BARX1: variants seen among roughly 807,000 people sequenced by gnomAD.
BARX1 encodes the protein homeobox protein BarH-like 1.
In BARX1, 10 loss-of-function variants were observed where a neutral mutation model predicts 19.6. That is an observed-to-expected ratio of 0.51 (90% CI 0.31 to 0.86). BARX1 has a LOEUF of 0.86. Ranked by LOEUF, BARX1 falls within the 40% of genes least tolerant of loss-of-function variation. The pLI is 0.04. For synonymous variants in BARX1, 177 were observed against 170.0 expected (o/e 1.04, Z -0.32); for missense variants, 309 against 360.4 (o/e 0.86, Z 1.15).
chr9:93,953,086 G>A lies in BARX1; in HGVS notation c.325C>T (p.Pro109Ser). The A allele has an allele frequency of 6.4e-7, 1 of 1,555,522 alleles. No individual in the cohort carries two copies. The highest frequency in any genetic ancestry group is 2.4e-5 in the East Asian group (1 of 41,112). Residue 109 changes from proline (P) to serine (S), a missense_variant, in exon 2 of 4, where the codon CCC becomes TCC. Coordinates refer to ENST00000253968, the MANE Select transcript of BARX1 (RefSeq NM_021570.4). ...AGGTGTGGCGCACCCGCGGCGCCGG[G>A]CAGCCCGGGCCCTGCCGCCAGCAAC... ...SALLAAGPGL[P>S]GAAGAPHLPL...
At chr9:93,953,976 C>T (rs1051510631) in intron 1 of BARX1, among the ~76,000 whole-genome samples, 1 of 152,198 alleles carries the variant, frequency 6.6e-6, no homozygotes, top group South Asian at 2.1e-4. Flanking sequence ...GGGCTGGGGT[C>T]CCGGCTACAG....
chr9:93,953,066 T>C lies in BARX1; in HGVS notation c.345A>G (p.Pro115=), dbSNP rs1265624680. The change falls in exon 2 of 4, where the codon CCA becomes CCG. Residue 115 remains proline (P), a synonymous_variant. Coordinates refer to ENST00000253968, the MANE Select transcript of BARX1 (RefSeq NM_021570.4). The part of the protein sequence containing the change: ...GPGLPGAAGA[P]HLPLELQLRG... ...GGAGCTGCAACTCGAGCGGCAGGTG[T>C]GGCGCACCCGCGGCGCCGGGCAGCC... The C allele has an allele frequency of 6.4e-7, 1 of 1,559,264 alleles. No homozygotes were observed. Among genetic ancestry groups the C allele is most frequent in the Non-Finnish European group, 8.7e-7 (1 of 1,152,696 alleles).
In BARX1 at chr9:93,952,309, A is replaced by G; in HGVS notation, c.620T>C (p.Leu207Pro). 2 of 1,609,796 alleles carry G rather than the reference A, an allele frequency of 1.2e-6. No individual in the cohort carries two copies. The highest frequency in any genetic ancestry group is 1.1e-5 in the South Asian group (1 of 90,988). The change falls in exon 4 of 4, where the codon CTG (leucine) becomes CCG (proline). Residue 207 changes from leucine to proline, a missense_variant. By Grantham distance (98) the Leu-to-Pro change is moderately conservative. Coordinates refer to ENST00000253968, the MANE Select transcript of BARX1 (RefSeq NM_021570.4). ...CCCCTTGGGCTTGGTGGGAGACTCC[A>G]GGCCGCCGCCCTGCAGCACCTGCAC... ...WKKIVLQGGG[L>P]ESPTKPKGRP...
rs1829107625 is a variant in BARX1, at chr9:93,952,058, T to A, written c.*106A>T. ...CATTCAAGATCATAATAAAAAGGCT[T>A]AGGAAGTAAACTTCTTGGACGCGGA... On this transcript the variant is annotated 3_prime_UTR_variant, in exon 4 of 4. Coordinates refer to ENST00000253968, the MANE Select transcript of BARX1 (RefSeq NM_021570.4). 7.2e-7 allele frequency: 1 copy of A among 1,389,342 alleles called. No individual in the cohort carries two copies. 86.1% of individuals were successfully genotyped at this position (1,389,342 alleles called of 1,614,324 possible). A position where few individuals can be genotyped will look rare whatever the true frequency, so the allele number is the denominator to read the frequency against.
rs1239629658 is a variant in BARX1, at chr9:93,952,298, T to G, written c.631A>C (p.Thr211Pro). ...TTCTTGGGCCGCCCCTTGGGCTTGG[T>G]GGGAGACTCCAGGCCGCCGCCCTGC... Reference protein sequence around the residue: ...VLQGGGLESPTKPKGRPKKNS... With the variant: ...VLQGGGLESPPKPKGRPKKNS... The change falls in exon 4 of 4, where the codon ACC (threonine) becomes CCC (proline). Residue 211 changes from threonine (T) to proline (P), a missense_variant. Physicochemically the swap from Thr to Pro is conservative, Grantham distance 38. Coordinates refer to ENST00000253968, the MANE Select transcript of BARX1 (RefSeq NM_021570.4). 1.9e-6 allele frequency: 3 copies of G among 1,611,078 alleles called. No homozygotes were observed. The highest frequency in any genetic ancestry group is 2.5e-6 in the Non-Finnish European group (3 of 1,179,864).
rs142710643 is a variant in BARX1, at chr9:93,952,919, C to A, written c.492G>T (p.Gln164His). The A allele has an allele frequency of 1.8e-5, 28 of 1,588,770 alleles. No individual in the cohort carries two copies. Among genetic ancestry groups the A allele is most frequent in the Non-Finnish European group, 2.4e-5 (28 of 1,167,246 alleles). The change falls in exon 2 of 4, where the codon CAG becomes CAT. Residue 164 changes from glutamine to histidine, a missense_variant. Around this residue, in one of 3 missense-constraint regions of BARX1, gnomAD observed 34 missense variants for 73.2 expected, o/e 0.46. Coordinates refer to ENST00000253968, the MANE Select transcript of BARX1 (RefSeq NM_021570.4). Reference protein sequence around the residue: ...LMGLEKRFEKQKYLSTPDRID... With the variant: ...LMGLEKRFEKHKYLSTPDRID... ...ACCTGTCCGGCGTGGAAAGGTACTTCTGCTTCTCGAAGCGTTTCTCCAGGC... is the reference window on the plus strand; with the variant it reads ...ACCTGTCCGGCGTGGAAAGGTACTTATGCTTCTCGAAGCGTTTCTCCAGGC...
chr9:93,952,258 G>C lies in BARX1; in HGVS notation c.671C>G (p.Thr224Arg), dbSNP rs757450124. Residue 224 changes from threonine to arginine, a missense_variant, in exon 4 of 4, where the codon ACG becomes AGG. Thr to Arg is a moderately conservative substitution (Grantham distance 71). Coordinates refer to ENST00000253968, the MANE Select transcript of BARX1 (RefSeq NM_021570.4). ...CTCCTGCTCAGTAAGCTGCTCGCTC[G>C]TTGGAATTGAGTTCTTCTTGGGCCG... Reference protein sequence around the residue: ...KGRPKKNSIPTSEQLTEQERA... With the variant: ...KGRPKKNSIPRSEQLTEQERA... The C allele has an allele frequency of 1.8e-5, 29 of 1,612,340 alleles. No individual in the cohort carries two copies. The highest frequency in any genetic ancestry group is 2.2e-5 in the Non-Finnish European group (26 of 1,179,938).
intron 1 of BARX1, 25 bp from the exon 2 acceptor site, chr9:93,953,212 C>T (rs1829123342): frequency 1.4e-6 from 2 of 1,477,690 alleles, no homozygotes; most frequent in Non-Finnish European, 1.8e-6. Context: ...AATGAGGACC[C>T]GGGTGAGCTA....
At position 93,955,123 on chromosome 9, in the gene BARX1, G is replaced by A. The variant is rs1829146847; in HGVS notation, c.24C>T (p.Gly8=). Residue 8 remains glycine (G), a synonymous_variant, in exon 1 of 4, where the codon GGC becomes GGT. Coordinates refer to ENST00000253968, the MANE Select transcript of BARX1 (RefSeq NM_021570.4). This position sits in a 1 kb window ranked among gnomAD's most constrained non-coding sequence, Gnocchi z 4.4. ...CCTCGGGCGGGCCGAAGCGCGCGGC[G>A]CCCGGCTCCCCCGGCCGCTGCATCG... MQRPGEP[G]AARFGPPEGC... The A allele has an allele frequency of 4.1e-6, 5 of 1,217,024 alleles. No homozygotes were observed. Among genetic ancestry groups the A allele is most frequent in the African/African-American group, 1.6e-5 (1 of 62,248 alleles). The allele number at this position is 1,217,024 out of a possible 1,614,324, so 75.4% of individuals were successfully genotyped here.
chr9:93,955,203 C>A lies in BARX1; in HGVS notation c.-57G>T. ...CGGCGGCGGCGGCGACGGCTTGGCT[C>A]CGGCGCGGGGCCCGCGCGGGGCTCT... is the stretch of plus-strand genomic sequence containing the variant. On this transcript the variant is annotated 5_prime_UTR_variant, in exon 1 of 4. Transcript: ENST00000253968. This position sits in a 1 kb window ranked among gnomAD's most constrained non-coding sequence, Gnocchi z 4.4. The A allele has an allele frequency of 1.1e-6, 1 of 874,462 alleles. No homozygotes were observed. Among genetic ancestry groups the A allele is most frequent in the Non-Finnish European group, 1.4e-6 (1 of 731,296 alleles). 54.2% of individuals were successfully genotyped at this position (874,462 alleles called of 1,614,324 possible). A position where few individuals can be genotyped will look rare whatever the true frequency, so the allele number is the denominator to read the frequency against.
Position 93,955,199 on chromosome 9 carries a change from G to C in BARX1, c.-53C>G. The C allele has an allele frequency of 3.3e-6, 3 of 909,678 alleles. No individual in the cohort carries two copies. The highest frequency in any genetic ancestry group is 9.7e-5 in the South Asian group (2 of 20,598). The allele number at this position is 909,678 out of a possible 1,614,324, so 56.4% of individuals were successfully genotyped here. A position where few individuals can be genotyped will look rare whatever the true frequency, so the allele number is the denominator to read the frequency against. ...TTGGCGGCGGCGGCGGCGACGGCTT[G>C]GCTCCGGCGCGGGGCCCGCGCGGGG... On this transcript the variant is annotated 5_prime_UTR_variant, in exon 1 of 4. Transcript: ENST00000253968. This position sits in a 1 kb window ranked among gnomAD's most constrained non-coding sequence, Gnocchi z 4.4.
rs899174165 is a variant in BARX1 at position 93,955,175 on chromosome 9, T to TGGC, written c.-32_-30dup. The TGGC allele has an allele frequency of 1.9e-5, 19 of 991,778 alleles. No homozygotes were observed. The highest frequency in any genetic ancestry group is 5.3e-5 in the African/African-American group (3 of 56,580). 61.4% of individuals were successfully genotyped at this position (991,778 alleles called of 1,614,324 possible). Reference sequence around the variant, plus strand: ...GGCGCCCACTGCTGCGCCCGCGGTTTGGCGGCGGCGGCGGCGACGGCTTGG... The same window carrying TGGC: ...GGCGCCCACTGCTGCGCCCGCGGTTTGGCGGCGGCGGCGGCGGCGACGGCTTGG... On this transcript the variant is annotated 5_prime_UTR_variant, in exon 1 of 4. Transcript: ENST00000253968. The surrounding 1 kb of genome is among the most constrained non-coding windows in gnomAD (Gnocchi z 4.4).
chr9:93,953,517 A>T, intron 1 of BARX1: 4 of 351,796 alleles, frequency 1.1e-5, no homozygotes, highest in East Asian at 5.1e-5. Context: ...TTTCGGGGAA[A>T]GTAGAAACCA....
rs765029144 is a variant in BARX1 at position 93,952,904 on chromosome 9, C to T, written c.507G>A (p.Thr169=). The T allele has an allele frequency of 1.3e-5, 20 of 1,599,086 alleles. No individual in the cohort carries two copies. The highest frequency in any genetic ancestry group is 6.7e-5 in the African/African-American group (5 of 74,618). Residue 169 remains threonine (T), a synonymous_variant, in exon 2 of 4, where the codon ACG becomes ACA. Coordinates refer to ENST00000253968, the MANE Select transcript of BARX1 (RefSeq NM_021570.4). Reference sequence around the variant, plus strand: ...GCCTTGTACCGCCCTACCTGTCCGGCGTGGAAAGGTACTTCTGCTTCTCGA... The same window carrying T: ...GCCTTGTACCGCCCTACCTGTCCGGTGTGGAAAGGTACTTCTGCTTCTCGA... ...KRFEKQKYLS[T]PDRIDLAESL...
rs1829103495 is a variant in BARX1 at position 93,951,712 on chromosome 9, T to C, written c.*452A>G. The C allele has an allele frequency of 6.4e-6, 1 of 156,202 alleles. No homozygotes were observed. Among genetic ancestry groups the C allele is most frequent in the Admixed American group, 6.4e-5 (1 of 15,686 alleles). 9.7% of individuals were successfully genotyped at this position (156,202 alleles called of 1,614,324 possible). A position where few individuals can be genotyped will look rare whatever the true frequency, so the allele number is the denominator to read the frequency against. On this transcript the variant is annotated 3_prime_UTR_variant, in exon 4 of 4. Transcript: ENST00000253968. ...CCCCAGCGACATCGGGGACCCGGCC[T>C]CCAGGCCGAGCCGACGGGTTGCCCC...
In BARX1 at chr9:93,952,211, G is replaced by T. The variant is rs770372550; in HGVS notation, c.718C>A (p.Pro240Thr). 6.2e-7 allele frequency: 1 copy of T among 1,611,372 alleles called. No individual in the cohort carries two copies. The highest frequency in any genetic ancestry group is 1.7e-5 in the Admixed American group (1 of 60,016). Reference sequence around the variant, plus strand: ...CTGGGCTCGCCCGGCACCTCCGCCGGTTTCTCTGCATCCTTGGCGCGCTCC... The same window carrying T: ...CTGGGCTCGCCCGGCACCTCCGCCGTTTTCTCTGCATCCTTGGCGCGCTCC... ...EQERAKDAEKPAEVPGEPSDR... is the reference protein window; with the variant it reads ...EQERAKDAEKTAEVPGEPSDR... The change falls in exon 4 of 4, where the codon CCG (proline) becomes ACG (threonine). Residue 240 changes from proline to threonine, a missense_variant. Pro to Thr is a conservative substitution (Grantham distance 38, BLOSUM62 -1). Coordinates refer to ENST00000253968, the MANE Select transcript of BARX1 (RefSeq NM_021570.4).
intron 1 of BARX1, chr9:93,953,533 A>C: frequency 3.0e-6 from 1 of 338,024 alleles, no homozygotes; most frequent in Non-Finnish European, 5.3e-6. Flanking sequence ...AACCAAAAAG[A>C]AAACGGCAGC....
At chr9:93,953,319 C>CCGGT in intron 1 of BARX1, 132 bp from the exon 2 acceptor site, 2 of 1,054,834 alleles carry the variant, frequency 1.9e-6, no homozygotes, top group Non-Finnish European at 2.6e-6. Context: ...CCACGCCCTG[C>CCGGT]CGGTCGGCGC....
At chr9:93,952,450 T>G in intron 3 of BARX1, 122 bp from the exon 4 acceptor site, 1 of 1,373,104 alleles carries the variant, frequency 7.3e-7, no homozygotes, top group Non-Finnish European at 9.7e-7. Context: ...TGGGGAAATG[T>G]CCCGGGAAAT....
Sources: gnomAD v4.1 joint callset for allele counts (sites outside exome capture counted in the v4.1 genomes callset) on GRCh38, gnomAD v4.1.1 for gene constraint, gnomAD v4.1.1 regional missense constraint, Gnocchi (gnomAD v3.1) non-coding constraint, MANE v1.5 for transcripts, NCBI Gene and HGNC (gene_info 2026-07-23, HGNC 2026-07-21) for gene names.